The following FAT2 variants were observed in gnomAD, a reference collection of about 807,000 sequenced individuals.
FAT2 encodes the protein protocadherin Fat 2.
FAT2 carries 150 observed loss-of-function variants against 295.3 expected under a neutral mutation model. The ratio of observed to expected loss-of-function variants is 0.51; its 90% CI spans 0.44 to 0.58. The LOEUF is 0.58. Ranked by LOEUF, FAT2 falls within the 20% of genes least tolerant of loss-of-function variation. FAT2 has a pLI of 0.00. For missense variants in FAT2, 4,868 were observed against 5,442.7 expected (o/e 0.89, Z 3.32); for synonymous variants, 2,026 against 2,150.3 (o/e 0.94, Z 1.60).
rs2127591464 is a variant in FAT2, at chr5:151,531,754, A to G, written c.9644T>C (p.Leu3215Pro). Residue 3215 changes from leucine to proline, a missense_variant, in exon 14 of 24, where the codon CTG becomes CCG. Coordinates refer to ENST00000261800, the MANE Select transcript of FAT2 (RefSeq NM_001447.3). This position sits in a 1 kb window ranked among gnomAD's most constrained non-coding sequence, Gnocchi z 5.7. Reference protein sequence around the residue: ...TVSVVGLEDYLPVFLNTEHSV... With the variant: ...TVSVVGLEDYPPVFLNTEHSV... ...GTGCTCGGTGTTCAGGAACACGGGC[A>G]GGTAGTCTTCTAGGCCCACCACCGA... 1 of 1,609,474 alleles carries G rather than the reference A, an allele frequency of 6.2e-7. No individual in the cohort carries two copies. The highest frequency in any genetic ancestry group is 8.5e-7 in the Non-Finnish European group (1 of 1,178,586).
At chr5:151,554,252 A>G in intron 5 of FAT2, 110 bp downstream of exon 5, 3 of 974,294 alleles carry the variant, frequency 3.1e-6, no homozygotes, top group Non-Finnish European at 4.5e-6. Context: ...CAGGAAGGAG[A>G]GTACCATTTC....
chr5:151,563,418 C>T lies in FAT2; in HGVS notation c.3481G>A (p.Ala1161Thr), dbSNP rs201340367. Residue 1161 changes from alanine (A) to threonine (T), a missense_variant, in exon 3 of 24, where the codon GCC becomes ACC. Coordinates refer to ENST00000261800, the MANE Select transcript of FAT2 (RefSeq NM_001447.3). Reference protein sequence around the residue: ...PVGTSVLQLDAWDPDSSSKGK... With the variant: ...PVGTSVLQLDTWDPDSSSKGK... Reference sequence around the variant, plus strand: ...TTGGAGCTGGAGTCTGGGTCCCAGGCATCCAGTTGAAGCACAGAGGTGCCC... The same window carrying T: ...TTGGAGCTGGAGTCTGGGTCCCAGGTATCCAGTTGAAGCACAGAGGTGCCC... 6.2e-7 allele frequency: 1 copy of T among 1,614,186 alleles called. No homozygotes were observed. Among genetic ancestry groups the T allele is most frequent in the East Asian group, 2.2e-5 (1 of 44,876 alleles).
At position 151,553,381 on chromosome 5, in the gene FAT2, C is replaced by A. The variant is rs367951603; in HGVS notation, c.3952G>T (p.Ala1318Ser). Reference protein sequence around the residue: ...AGEYNILTIKATDSGQPPLSA... With the variant: ...AGEYNILTIKSTDSGQPPLSA... ...AGTGGTGGCTGCCCACTGTCTGTTG[C>A]CTTGATCTGAAAGGAGGCCAACACC... The change falls in exon 6 of 24, where the codon GCA (alanine) becomes TCA (serine). Residue 1318 changes from alanine to serine, a missense_variant. By Grantham distance (99) the Ala-to-Ser change is moderately conservative. Around this residue, in one of 5 missense-constraint regions of FAT2, gnomAD observed 3,297 missense variants for 3,669.4 expected, o/e 0.90. Transcript: ENST00000261800. 6.2e-7 allele frequency: 1 copy of A among 1,614,086 alleles called. No homozygotes were observed. The highest frequency in any genetic ancestry group is 8.5e-7 in the Non-Finnish European group (1 of 1,179,990).
chr5:151,545,423 C>G lies in FAT2; in HGVS notation c.5704G>C (p.Glu1902Gln). 1 of 1,614,190 alleles carries G rather than the reference C, an allele frequency of 6.2e-7. No homozygotes were observed. Among genetic ancestry groups the G allele is most frequent in the Admixed American group, 1.7e-5 (1 of 60,034 alleles). The change falls in exon 10 of 24, where the codon GAA becomes CAA. Residue 1902 changes from glutamate to glutamine, a missense_variant. Around this residue, in one of 5 missense-constraint regions of FAT2, gnomAD observed 3,297 missense variants for 3,669.4 expected, o/e 0.90. Coordinates refer to ENST00000261800, the MANE Select transcript of FAT2 (RefSeq NM_001447.3). The stretch of plus-strand genomic sequence containing the variant: ...CCAGTTTTGATGCTATAATTGACTT[C>G]TGAGTCTTCATCGCTGGCCCGCACC... ...LMVRASDEDS[E>Q]VNYSIKTGNA...
At chr5:151,541,194 G>T (rs1005603275) in intron 10 of FAT2, among the ~76,000 whole-genome samples, 1 of 152,202 alleles carries the variant, frequency 6.6e-6, no homozygotes, top group Non-Finnish European at 1.5e-5. Flanking sequence ...CTAAGTGGAG[G>T]TTCTGTAGGA....
chr5:151,539,194 T>C (rs1755844189), intron 11 of FAT2, among the ~76,000 whole-genome samples: 1 of 152,216 alleles, frequency 6.6e-6, no homozygotes, highest in African/African-American at 2.4e-5. Context: ...TATGGTCATC[T>C]TGGATCCTGA....
At chr5:151,523,395 A>G (rs900570789) in intron 18 of FAT2, among the ~76,000 whole-genome samples, 3 of 152,202 alleles carry the variant, frequency 2.0e-5, no homozygotes, top group Non-Finnish European at 4.4e-5. Flanking sequence ...GATAGGTACT[A>G]TCAAGTCACC....
intron 1 of FAT2, among the ~76,000 whole-genome samples, chr5:151,590,609 T>C (rs965472353): frequency 2.0e-5 from 3 of 152,168 alleles, no homozygotes; most frequent in African/African-American, 7.2e-5. Flanking sequence ...TCAGGGAAGC[T>C]GAGGTCCTAA....
chr5:151,507,478 C>G lies in FAT2; in HGVS notation c.12193G>C (p.Gly4065Arg). The change falls in exon 23 of 24, where the codon GGG (glycine) becomes CGG (arginine). Residue 4065 changes from glycine to arginine, a missense_variant. Gly to Arg is a moderately radical substitution (Grantham distance 125). This residue lies in a region of FAT2 where 492 missense variants were observed against 482.6 expected (regional missense o/e 1.02). Coordinates refer to ENST00000261800, the MANE Select transcript of FAT2 (RefSeq NM_001447.3). ...AVAFIIISTV[G>R]LLFYCRRCKS... ...CAACGGCGGCAGTAGAAGAGAAGCC[C>G]GACAGTGCTTATGATAATGAACGCC... 1 of 1,614,098 alleles carries G rather than the reference C, an allele frequency of 6.2e-7. No homozygotes were observed. The highest frequency in any genetic ancestry group is 8.5e-7 in the Non-Finnish European group (1 of 1,180,006).
chr5:151,543,598 C>A lies in FAT2; in HGVS notation c.7529G>T (p.Ser2510Ile), dbSNP rs147558725. ...VIDLLAIDKD[S>I]GPYGTIDYTI... The stretch of plus-strand genomic sequence containing the variant: ...ATAATCTATAGTGCCATAGGGACCA[C>A]TATCTTTGTCTATGGCTAGCAAATC... The change falls in exon 10 of 24, where the codon AGT (serine) becomes ATT (isoleucine). Residue 2510 changes from serine to isoleucine, a missense_variant. Ser to Ile is a moderately radical substitution (Grantham distance 142, BLOSUM62 -2). This residue lies in a region of FAT2 where 3,297 missense variants were observed against 3,669.4 expected (regional missense o/e 0.90). Coordinates refer to ENST00000261800, the MANE Select transcript of FAT2 (RefSeq NM_001447.3). The A allele has an allele frequency of 6.2e-7, 1 of 1,614,100 alleles. No individual in the cohort carries two copies.
At chr5:151,559,581 C>T (rs188542497) in intron 3 of FAT2, among the ~76,000 whole-genome samples, 133 of 152,146 alleles carry the variant, frequency 8.7e-4, no homozygotes, top group African/African-American at 2.9e-3. Context: ...TCACCATCCT[C>T]CTCCTCTCTT....
chr5:151,565,647 A>T, intron 2 of FAT2, 26 bp downstream of exon 2: 63 of 1,460,950 alleles, frequency 4.3e-5, no homozygotes, highest in East Asian at 1.7e-4. Flanking sequence ...TGGCCCTGGC[A>T]CCCCACCCTA....
chr5:151,544,986 T>G lies in FAT2; in HGVS notation c.6141A>C (p.Thr2047=), dbSNP rs755956690. 2 of 1,614,080 alleles carry G rather than the reference T, an allele frequency of 1.2e-6. No homozygotes were observed. The highest frequency in any genetic ancestry group is 1.7e-6 in the Non-Finnish European group (2 of 1,180,010). Reference sequence around the variant, plus strand: ...CCAAACCCTGAGCCACCCGCTGAGGTGTCCGATTGTCCCTCACTTCCACTG... The same window carrying G: ...CCAAACCCTGAGCCACCCGCTGAGGGGTCCGATTGTCCCTCACTTCCACTG... ...ELAVEVRDNR[T]PQRVAQGLVR... Residue 2047 remains threonine (T), a synonymous_variant, in exon 10 of 24, where the codon ACA becomes ACC. Transcript: ENST00000261800.
In FAT2 at chr5:151,517,669, G is replaced by A; in HGVS notation, c.11414C>T (p.Pro3805Leu). 1 of 1,614,202 alleles carries A rather than the reference G, an allele frequency of 6.2e-7. No individual in the cohort carries two copies. The highest frequency in any genetic ancestry group is 8.5e-7 in the Non-Finnish European group (1 of 1,180,042). ...ATTGGTGAATAGAAGAATGGCCTGT[G>A]GCTGGAGTGTTTTCAGATAGAAATG... Reference protein sequence around the residue: ...HIHFYLKTLQPQAILLFTNET... With the variant: ...HIHFYLKTLQLQAILLFTNET... The change falls in exon 20 of 24, where the codon CCA becomes CTA. Residue 3805 changes from proline to leucine, a missense_variant. Coordinates refer to ENST00000261800, the MANE Select transcript of FAT2 (RefSeq NM_001447.3).
intron 19 of FAT2, 51 bp downstream of exon 19, chr5:151,521,225 C>A (rs372036947): frequency 6.5e-7 from 1 of 1,526,860 alleles, no homozygotes; most frequent in East Asian, 2.3e-5. Flanking sequence ...TAGAGTCAGG[C>A]GGGCTGAGCC....
intron 3 of FAT2, among the ~76,000 whole-genome samples, chr5:151,557,975 C>T (rs926082290): frequency 6.6e-6 from 1 of 152,182 alleles, no homozygotes; most frequent in Admixed American, 6.5e-5. Context: ...CTCTGTGCCT[C>T]GCCTTGACTC....
At position 151,537,889 on chromosome 5, in the gene FAT2, C is replaced by A; in HGVS notation, c.9097G>T (p.Val3033Phe). ...DVFPGHFILK[V>F]SATDLDTDTN... ...TCAGTGTCCAAGTCTGTGGCAGAAA[C>A]CTTCAAAATGAAGTGTCCTGGAAAT... The change falls in exon 12 of 24, where the codon GTT becomes TTT. Residue 3033 changes from valine to phenylalanine, a missense_variant. This residue lies in a region of FAT2 where 1,046 missense variants were observed against 1,210.1 expected (regional missense o/e 0.86). Transcript: ENST00000261800. The A allele has an allele frequency of 6.2e-7, 1 of 1,614,108 alleles. No homozygotes were observed. The highest frequency in any genetic ancestry group is 1.3e-5 in the African/African-American group (1 of 75,034).
chr5:151,569,426 AC>A (rs1758437831), intron 1 of FAT2, among the ~76,000 whole-genome samples: 1 of 151,944 alleles, frequency 6.6e-6, no homozygotes, highest in African/African-American at 2.4e-5. Context: ...AGAAAAACAC[AC>A]CCCCATGATT....
Position 151,504,403 on chromosome 5 carries a change from C to G in FAT2, c.*1162G>C, listed in dbSNP as rs1464474003. 2.0e-5 allele frequency: 3 copies of G among 152,710 alleles called. No homozygotes were observed. The highest frequency in any genetic ancestry group is 6.5e-5 in the Admixed American group (1 of 15,290). 9.5% of individuals were successfully genotyped at this position (152,710 alleles called of 1,614,324 possible). ...GGTCCCCACCACTCCTGGCTACATA[C>G]ACTCTACACATGTGTACACACGTAC... On this transcript the variant is annotated 3_prime_UTR_variant, in exon 24 of 24. Transcript: ENST00000261800.
Sources: gnomAD v4.1 joint callset for allele counts (sites outside exome capture counted in the v4.1 genomes callset) on GRCh38, gnomAD v4.1.1 for gene constraint, gnomAD v4.1.1 regional missense constraint, Gnocchi (gnomAD v3.1) non-coding constraint, MANE v1.5 for transcripts, NCBI Gene and HGNC (gene_info 2026-07-23, HGNC 2026-07-21) for gene names.